Variants in COBL observed in about 807,000 individuals in gnomAD.
COBL encodes the protein cordon-bleu WH2 repeat protein, also known as protein cordon-bleu.
In COBL, 51 loss-of-function variants were observed where a neutral mutation model predicts 98.8. The ratio of observed to expected loss-of-function variants is 0.52; its 90% confidence interval spans 0.41 to 0.65. COBL has a LOEUF of 0.65. Ranked by LOEUF, COBL falls within the 30% of genes least tolerant of loss-of-function variation. The pLI is 0.00. For missense variants in COBL, 1,617 were observed against 1,617.5 expected, an observed-to-expected ratio of 1.00 and a Z score of 0.01; for synonymous variants, 634 against 651.7, an observed-to-expected ratio of 0.97 and a Z score of 0.41.
At chr7:51,078,065 C>T (rs896726647) in intron 7 of COBL, among the ~76,000 whole-genome samples, 6 of 152,208 alleles carry the variant, frequency 3.9e-5, no homozygotes, top group Admixed American at 1.3e-4. Context: ...GTTGCCCATA[C>T]TTCCAAGTTA....
At chr7:51,131,593 C>CT (rs369394848) in intron 6 of COBL, among the ~76,000 whole-genome samples, 2,404 of 139,278 alleles carry the variant, frequency 0.017, 46 homozygotes, top group African/African-American at 0.049. Flanking sequence ...GATTCTTCTT[C>CT]TTTTTTTTTT....
chr7:51,170,293 C>T (rs907706577), intron 5 of COBL, among the ~76,000 whole-genome samples: 10 of 151,678 alleles, frequency 6.6e-5, no homozygotes, highest in East Asian at 1.9e-4. Context: ...TACCATGCTT[C>T]GATATACAAT....
chr7:51,249,939 T>G (rs1039299879), intron 1 of COBL, among the ~76,000 whole-genome samples: 1 of 152,086 alleles, frequency 6.6e-6, no homozygotes, highest in African/African-American at 2.4e-5. Flanking sequence ...CTGTCTCTAC[T>G]AAAAATACAA....
At chr7:51,123,657 C>T (rs1797940956) in intron 6 of COBL, among the ~76,000 whole-genome samples, 1 of 152,178 alleles carries the variant, frequency 6.6e-6, no homozygotes, top group Admixed American at 6.6e-5. Context: ...AAGATGCATA[C>T]AATTGTTTTT....
At chr7:51,213,286 A>C (rs1792644324) in intron 2 of COBL, among the ~76,000 whole-genome samples, 1 of 152,210 alleles carries the variant, frequency 6.6e-6, no homozygotes, top group South Asian at 2.1e-4. Flanking sequence ...ACAGCAGGTG[A>C]GCAGTGAACA....
intron 1 of COBL, among the ~76,000 whole-genome samples, chr7:51,256,449 C>A (rs1311567835): frequency 2.0e-5 from 3 of 152,324 alleles, no homozygotes; most frequent in Admixed American, 6.5e-5. Context: ...CACACAATAA[C>A]TCACAGGCTG....
intron 1 of COBL, among the ~76,000 whole-genome samples, chr7:51,247,073 G>A (rs2129131705): frequency 6.6e-6 from 1 of 152,314 alleles, no homozygotes; most frequent in African/African-American, 2.4e-5. Flanking sequence ...TGTGGTCATC[G>A]CGGAATCTTG....
chr7:51,223,515 T>C (rs1204693724), intron 1 of COBL, among the ~76,000 whole-genome samples: 1 of 151,614 alleles, frequency 6.6e-6, no homozygotes, highest in South Asian at 2.1e-4. Context: ...TTCCAGAGAG[T>C]CTGAAGATCT....
chr7:51,306,295 C>T (rs977998745), intron 1 of COBL, among the ~76,000 whole-genome samples: 2 of 152,148 alleles, frequency 1.3e-5, no homozygotes, highest in Admixed American at 1.3e-4. Context: ...CAACAGGGCC[C>T]ACTCACCTGC....
intron 7 of COBL, among the ~76,000 whole-genome samples, chr7:51,051,940 A>T (rs1790279931): frequency 6.6e-6 from 1 of 152,208 alleles, no homozygotes; most frequent in Admixed American, 6.5e-5. Context: ...GCCAATAGTT[A>T]AACAGGATTC....
At chr7:51,122,540 C>A (rs893043627) in intron 6 of COBL, among the ~76,000 whole-genome samples, 1 of 152,182 alleles carries the variant, frequency 6.6e-6, no homozygotes, top group Non-Finnish European at 1.5e-5. Context: ...GTTGTTTTTT[C>A]GTCTCCACAT....
At chr7:51,119,573 A>C (rs1052755473) in intron 6 of COBL, among the ~76,000 whole-genome samples, 3 of 152,186 alleles carry the variant, frequency 2.0e-5, no homozygotes, top group African/African-American at 7.2e-5. Flanking sequence ...GTAGTAAGTA[A>C]AGTTTTTAAG....
At chr7:51,050,598 CAG>C (rs1440879271) in intron 7 of COBL, among the ~76,000 whole-genome samples, 1 of 152,186 alleles carries the variant, frequency 6.6e-6, no homozygotes, top group African/African-American at 2.4e-5. Flanking sequence ...ACCTTTCCAC[CAG>C]AGGTGTTCAG....
intron 1 of COBL, among the ~76,000 whole-genome samples, chr7:51,255,932 C>A (rs1243695955): frequency 1.3e-5 from 2 of 152,146 alleles, no homozygotes; most frequent in African/African-American, 4.8e-5. Context: ...CTCCTGAGGG[C>A]AAGGCCAGAT....
At chr7:51,044,892 A>T (rs1322751850) in intron 7 of COBL, among the ~76,000 whole-genome samples, 1 of 152,254 alleles carries the variant, frequency 6.6e-6, no homozygotes, top group Non-Finnish European at 1.5e-5. Context: ...GATTCCAAAC[A>T]ATAAAACAAA....
chr7:51,140,540 G>GGT (rs1799640345), intron 5 of COBL, among the ~76,000 whole-genome samples: 1 of 151,964 alleles, frequency 6.6e-6, no homozygotes, highest in South Asian at 2.1e-4. Flanking sequence ...TGTATGCATG[G>GGT]GTGTGTGTGT....
Position 51,017,204 on chromosome 7 carries a change from C to A in COBL, c.*347G>T, listed in dbSNP as rs1786358782. 1.9e-6 allele frequency: 1 copy of A among 528,566 alleles called. No individual in the cohort carries two copies. Among genetic ancestry groups the A allele is most frequent in the Non-Finnish European group, 3.3e-6 (1 of 301,442 alleles). 32.7% of individuals were successfully genotyped at this position (528,566 alleles called of 1,614,324 possible). ...AAAGTCTCAAAGGTCCAAAATCAGT[C>A]TAAGGCATGATTCTTTTTACTTTGC... is the stretch of plus-strand genomic sequence containing the variant. On this transcript the variant is annotated 3_prime_UTR_variant, in exon 13 of 13. Transcript: ENST00000265136.
chr7:51,136,421 G>T, intron 5 of COBL, 90 bp from the exon 6 acceptor site: 19 of 1,343,482 alleles, frequency 1.4e-5, no homozygotes, highest in Non-Finnish European at 1.8e-5. Context: ...GTTCCAATCC[G>T]TCCACCTGAG....
chr7:51,047,553 T>C (rs902464860), intron 7 of COBL, among the ~76,000 whole-genome samples: 1 of 152,246 alleles, frequency 6.6e-6, no homozygotes, highest in African/African-American at 2.4e-5. Flanking sequence ...TTTTATTGTT[T>C]TATTAAACGC....
Sources: allele counts gnomAD v4.1 joint callset (sites outside exome capture counted in the v4.1 genomes callset), GRCh38; gene constraint gnomAD v4.1.1; transcripts MANE v1.5; gene names NCBI Gene and HGNC (gene_info 2026-07-23, HGNC 2026-07-21).